Variants in BRDT observed in about 807,000 individuals in gnomAD.
The protein encoded by BRDT is bromodomain testis associated, also known as bromodomain testis-specific protein.
Under a neutral mutation model 113.9 loss-of-function variants are expected in BRDT, and 77 were observed. That is an observed-to-expected ratio of 0.68 (90% CI 0.56 to 0.82). BRDT has a LOEUF of 0.82. BRDT is among the 40% of genes least tolerant of loss of function. BRDT has a pLI of 0.00. For synonymous variants in BRDT, 358 were observed against 366.5 expected, an observed-to-expected ratio of 0.98 and a Z score of 0.26; for missense variants, 1,027 against 1,105.4, an observed-to-expected ratio of 0.93 and a Z score of 1.01.
intron 18 of BRDT, among the ~76,000 whole-genome samples, chr1:92,010,267 A>ATTTTTTTTT (rs373305680): frequency 6.9e-5 from 7 of 101,052 alleles, no homozygotes; most frequent in East Asian, 2.8e-4. Context: ...TGCTCTTTTA[A>ATTTTTTTTT]TTTTTTTTTT....
intron 15 of BRDT, 54 bp from the exon 16 acceptor site, chr1:92,001,995 G>T (rs1686894900): frequency 1.5e-6 from 2 of 1,308,048 alleles, no homozygotes; most frequent in Admixed American, 3.9e-5. Context: ...TCAAATTCTG[G>T]GTAAGTAGGA....
chr1:91,967,255 G>A (rs1179450946), intron 3 of BRDT, among the ~76,000 whole-genome samples: 1 of 149,502 alleles, frequency 6.7e-6, no homozygotes, highest in Admixed American at 6.7e-5. Flanking sequence ...TTTTTTTTAA[G>A]ACGGAGTTTT....
intron 16 of BRDT, among the ~76,000 whole-genome samples, chr1:92,002,893 G>A (rs1009824877): frequency 3.3e-5 from 5 of 152,058 alleles, no homozygotes; most frequent in Non-Finnish European, 7.4e-5. Flanking sequence ...GATACATAAG[G>A]TACTGTTCAA....
intron 3 of BRDT, among the ~76,000 whole-genome samples, chr1:91,966,666 A>G (rs1016561056): frequency 6.6e-6 from 1 of 152,242 alleles, no homozygotes; most frequent in Non-Finnish European, 1.5e-5. Flanking sequence ...ACTTAGAAAT[A>G]AATGTTCTCT....
At chr1:91,970,772 A>C (rs1311921690) in intron 4 of BRDT, among the ~76,000 whole-genome samples, 1 of 152,008 alleles carries the variant, frequency 6.6e-6, no homozygotes, top group Non-Finnish European at 1.5e-5. Flanking sequence ...TGCCAGGTAT[A>C]GTGGCATGCA....
At chr1:91,997,594 T>C (rs1686463488) in intron 15 of BRDT, among the ~76,000 whole-genome samples, 1 of 152,240 alleles carries the variant, frequency 6.6e-6, no homozygotes, top group African/African-American at 2.4e-5. Context: ...CTCTTATTCC[T>C]AATTTAAGAA....
intron 14 of BRDT, among the ~76,000 whole-genome samples, chr1:91,993,502 C>T (rs1685991788): frequency 6.6e-6 from 1 of 152,184 alleles, no homozygotes; most frequent in Admixed American, 6.5e-5. Flanking sequence ...AAAGGACTTA[C>T]CCTGGTACCT....
intron 12 of BRDT, among the ~76,000 whole-genome samples, chr1:91,985,766 G>A (rs1685169203): frequency 6.6e-6 from 1 of 150,810 alleles, no homozygotes; most frequent in Non-Finnish European, 1.5e-5. Flanking sequence ...AGCCTGCCGA[G>A]CAGCTGGGAC....
At chr1:92,002,313 C>T (rs997300721) in intron 16 of BRDT, among the ~76,000 whole-genome samples, 164 bp downstream of exon 16, 11 of 152,098 alleles carry the variant, frequency 7.2e-5, no homozygotes, top group African/African-American at 2.7e-4. Context: ...GAGCAACATC[C>T]TTCCCCTACC....
intron 15 of BRDT, among the ~76,000 whole-genome samples, chr1:91,996,911 G>T (rs1055557374): frequency 1.3e-5 from 2 of 152,062 alleles, no homozygotes; most frequent in Non-Finnish European, 2.9e-5. Context: ...TAGAAATTAG[G>T]AATTAACAGT....
rs12732002 is a variant in BRDT at position 91,949,561 on chromosome 1, C to A, written c.-159C>A. ...AGGGGGTGCTGCCTTAGGCCGGCCC[C>A]GAGGTGCGGCCTTGGGTGGGAACAA... On this transcript the variant is annotated 5_prime_UTR_variant, in exon 1 of 19. Coordinates refer to ENST00000399546, the MANE Select transcript of BRDT (RefSeq NM_207189.4). 0.7 allele frequency: 105,938 copies of A among 152,060 alleles called. 38,505 individuals are homozygous for A. Among genetic ancestry groups the A allele is most frequent in the Middle Eastern group, 0.82 (242 of 296 alleles). The allele number at this position is 152,060 out of a possible 1,614,324, so 9.4% of individuals were successfully genotyped here.
Position 91,977,094 on chromosome 1 carries a change from G to C in BRDT, c.670G>C (p.Ala224Pro). 1.9e-6 allele frequency: 3 copies of C among 1,612,994 alleles called. No homozygotes were observed. Among genetic ancestry groups the C allele is most frequent in the Non-Finnish European group, 2.5e-6 (3 of 1,179,534 alleles). ...AGATACAACAACTCCTGCAACTTCA[G>C]CAGTTAAAGCAAGTAGTGAATTTTC... ...KADTTTPATS[A>P]VKASSEFSPT... The change falls in exon 6 of 19, where the codon GCA becomes CCA. Residue 224 changes from alanine (A) to proline (P), a missense_variant. By Grantham distance (27) the Ala-to-Pro change is conservative. Transcript: ENST00000399546.
At chr1:91,955,381 G>A (rs1681635670) in intron 1 of BRDT, among the ~76,000 whole-genome samples, 1 of 152,142 alleles carries the variant, frequency 6.6e-6, no homozygotes, top group Non-Finnish European at 1.5e-5. Context: ...TTGAACCCGG[G>A]AGGCAGAGGT....
intron 15 of BRDT, 89 bp from the exon 16 acceptor site, chr1:92,001,960 G>A (rs1557862108): frequency 2.2e-6 from 2 of 907,660 alleles, no homozygotes; most frequent in Non-Finnish European, 3.3e-6. Flanking sequence ...TTTTCATAGT[G>A]TCTGACCTGG....
intron 1 of BRDT, among the ~76,000 whole-genome samples, chr1:91,957,151 T>A (rs1019020805): frequency 6.6e-6 from 1 of 152,134 alleles, no homozygotes; most frequent in Non-Finnish European, 1.5e-5. Flanking sequence ...CAGCAAAAAC[T>A]TTTGTGTTAG....
chr1:92,010,493 C>T (rs1687702503), intron 18 of BRDT, among the ~76,000 whole-genome samples: 1 of 151,850 alleles, frequency 6.6e-6, no homozygotes, highest in Non-Finnish European at 1.5e-5. Flanking sequence ...CCCATGTTGG[C>T]CAGGGCTAGT....
intron 1 of BRDT, among the ~76,000 whole-genome samples, chr1:91,951,631 G>A (rs900432582): frequency 8.1e-5 from 12 of 147,776 alleles, no homozygotes; most frequent in East Asian, 2.1e-4. Context: ...AAAATTAGCC[G>A]GGCGTGGTGG....
At chr1:92,002,601 T>G (rs1182846434) in intron 16 of BRDT, among the ~76,000 whole-genome samples, 1 of 152,154 alleles carries the variant, frequency 6.6e-6, no homozygotes, top group Non-Finnish European at 1.5e-5. Flanking sequence ...CTCCTGATCT[T>G]AGGTGATCCA....
chr1:91,983,436 A>G (rs1274225196), intron 12 of BRDT, among the ~76,000 whole-genome samples: 1 of 151,522 alleles, frequency 6.6e-6, no homozygotes, highest in Non-Finnish European at 1.5e-5. Context: ...TTGTATTTTT[A>G]GTAGAGACGG....
Sources: gnomAD v4.1 joint callset for allele counts (sites outside exome capture counted in the v4.1 genomes callset) on GRCh38, gnomAD v4.1.1 for gene constraint, MANE v1.5 for transcripts, NCBI Gene and HGNC (gene_info 2026-07-23, HGNC 2026-07-21) for gene names.